CAPN14: variants seen among roughly 807,000 people sequenced by gnomAD.
CAPN14 encodes calpain 14, also known as calpain-14.
A neutral mutation model predicts 101.3 loss-of-function variants in CAPN14; 94 were observed. The ratio of observed to expected loss-of-function variants is 0.93; its 90% CI spans 0.79 to 1.10. The LOEUF (loss-of-function observed/expected upper bound fraction) is 1.10, where lower values mean the gene tolerates loss of function less well. Among genes scored for constraint, CAPN14 ranks in the 50% least tolerant of loss-of-function variants. The pLI, the probability that CAPN14 is intolerant of heterozygous loss-of-function variation, is 0.00. For missense variants in CAPN14, 837 were observed against 828.4 expected, an observed-to-expected ratio of 1.01 and a Z score of -0.13; for synonymous variants, 338 against 317.9, an observed-to-expected ratio of 1.06 and a Z score of -0.67.
At position 31,197,309 on chromosome 2, in the gene CAPN14, T is replaced by C; in HGVS notation, c.815A>G (p.Tyr272Cys). 6.4e-7 allele frequency: 1 copy of C among 1,550,906 alleles called. No homozygotes were observed. Reference sequence around the variant, plus strand: ...CCAGGGGTTCCGTAGCTTGACGAGATATTCAGGTCTATGTTTGCAGGTCAC... The same window carrying C: ...CCAGGGGTTCCGTAGCTTGACGAGACATTCAGGTCTATGTTTGCAGGTCAC... ...RKVTCKHRPE[Y>C]LVKLRNPWGK... The change falls in exon 8 of 22, where the codon TAT (tyrosine) becomes TGT (cysteine). Residue 272 changes from tyrosine (Y) to cysteine (C), a missense_variant. Tyr to Cys is a radical substitution (Grantham distance 194). Transcript: ENST00000403897.
At chr2:31,223,874 C>T (rs1417219996) in intron 2 of CAPN14, among the ~76,000 whole-genome samples, 2 of 152,160 alleles carry the variant, frequency 1.3e-5, no homozygotes, top group African/African-American at 4.8e-5. Flanking sequence ...TGAGCTGTCA[C>T]TGTGCAAATG....
At position 31,174,645 on chromosome 2, in the gene CAPN14, A is replaced by G. The variant is rs533703770; in HGVS notation, c.*36T>C. The G allele has an allele frequency of 2.1e-5, 33 of 1,550,630 alleles. No homozygotes were observed. Among genetic ancestry groups the G allele is most frequent in the African/African-American group, 1.1e-4 (8 of 73,170 alleles). ...CAAAGGCTGCTCTTGGGCCACATGC[A>G]GAGTCTTCAGTGAGGGCAGGTGAGA... On this transcript the variant is annotated 3_prime_UTR_variant, in exon 22 of 22. Transcript: ENST00000403897.
chr2:31,209,223 C>T (rs1682268153), intron 1 of CAPN14, among the ~76,000 whole-genome samples: 2 of 150,594 alleles, frequency 1.3e-5, no homozygotes, highest in Admixed American at 6.6e-5. Flanking sequence ...GCAGTCCTTC[C>T]ACCTCAGCCA....
At chr2:31,191,524 C>T in intron 11 of CAPN14, 117 bp from the exon 12 acceptor site, 4 of 998,918 alleles carry the variant, frequency 4.0e-6, no homozygotes, top group Non-Finnish European at 5.8e-6. Flanking sequence ...ATATACAAGG[C>T]TCTACCCAGA....
In CAPN14 at chr2:31,178,718, C is replaced by T. The variant is rs114968509; in HGVS notation, c.1711-139G>A. 1,243 of 577,888 alleles carry T rather than the reference C, an allele frequency of 2.2e-3. 11 individuals carry two copies. The African/African-American group carries it at 0.022, about 10-fold the overall frequency. 35.8% of individuals were successfully genotyped at this position (577,888 alleles called of 1,614,324 possible). The stretch of plus-strand genomic sequence containing the variant: ...CTGATCATGTCTGATTTCGCTAGTT[C>T]GCCTCACCTCACTGGCCAGTCCAGC... On this transcript the variant is annotated intron_variant, in intron 17 of 21. Transcript: ENST00000403897.
chr2:31,204,723 G>A (rs954993397), intron 2 of CAPN14, among the ~76,000 whole-genome samples: 8 of 152,130 alleles, frequency 5.3e-5, no homozygotes, highest in African/African-American at 1.7e-4. Context: ...CTTGCCCTGT[G>A]CATCTCTTCC....
intron 1 of CAPN14, among the ~76,000 whole-genome samples, chr2:31,209,560 C>T (rs533254194): frequency 2.6e-5 from 4 of 152,284 alleles, no homozygotes; most frequent in African/African-American, 9.6e-5. Flanking sequence ...TCCCTGTATA[C>T]AGGCAGGGTT....
At chr2:31,199,908 T>C (rs139160273) in intron 6 of CAPN14, among the ~76,000 whole-genome samples, 4,903 of 152,324 alleles carry the variant, frequency 0.032, 97 homozygotes, top group South Asian at 0.061. Context: ...TGCATGTAGC[T>C]GGCACTTAAT....
upstream of CAPN14, among the ~76,000 whole-genome samples, chr2:31,218,199 C>G (rs961587480): frequency 7.9e-5 from 12 of 152,130 alleles, 1 homozygote; most frequent in Admixed American, 3.3e-4. Context: ...CTTAGCCCTC[C>G]TGTGGTTGCT....
At chr2:31,175,524 C>T (rs1162669743) in intron 21 of CAPN14, among the ~76,000 whole-genome samples, 1 of 152,212 alleles carries the variant, frequency 6.6e-6, no homozygotes, top group Non-Finnish European at 1.5e-5. Flanking sequence ...TTTGTGTTGT[C>T]CTATTCTCCT....
At chr2:31,191,429 A>AG (rs1274301593) in intron 11 of CAPN14, 22 bp from the exon 12 acceptor site, 2 of 1,509,074 alleles carry the variant, frequency 1.3e-6, no homozygotes, top group Non-Finnish European at 1.8e-6. Flanking sequence ...AAACAAAAAC[A>AG]GAAAAAAAAA....
intron 17 of CAPN14, among the ~76,000 whole-genome samples, chr2:31,179,145 A>ACATGCC (rs1158698300): frequency 1.3e-5 from 2 of 150,202 alleles, no homozygotes; most frequent in Admixed American, 6.6e-5. Context: ...ACATAGGTAT[A>ACATGCC]CATGCCATGT....
rs1307894623 is a variant in CAPN14, at chr2:31,230,310, T to G, written c.-177+3481A>C. Among the ~76,000 whole-genome samples the G allele has an allele frequency of 1.3e-5, 2 of 151,714 alleles. No individual in the cohort carries two copies. Among genetic ancestry groups the G allele is most frequent in the African/African-American group, 4.8e-5 (2 of 41,402 alleles). The stretch of plus-strand genomic sequence containing the variant: ...TTTGCTGCTACAAATAATGTTGCCA[T>G]CAACATTCTTAAGACTTATCTCCCT... On this transcript the variant is annotated intron_variant and NMD_transcript_variant, in intron 1 of 21. Transcript: ENST00000398824. This position sits in a 1 kb window ranked among gnomAD's most constrained non-coding sequence, Gnocchi z 4.3.
intron 8 of CAPN14, 95 bp from the exon 9 acceptor site, chr2:31,194,578 T>G: frequency 2.4e-6 from 2 of 821,556 alleles, no homozygotes; most frequent in African/African-American, 3.4e-5. Context: ...ATTATTTTCA[T>G]ACTACCTCAG....
At chr2:31,182,725 T>A (rs10189417) in intron 16 of CAPN14, among the ~76,000 whole-genome samples, 42,408 of 140,422 alleles carry the variant, frequency 0.3, 7,931 homozygotes, top group African/African-American at 0.51. Flanking sequence ...GCTCATGGGT[T>A]GGAAGAATCA....
Position 31,202,188 on chromosome 2 carries a change from A to G in CAPN14, c.360T>C (p.Val120=), listed in dbSNP as rs1297219769. 2 of 1,551,836 alleles carry G rather than the reference A, an allele frequency of 1.3e-6. No individual in the cohort carries two copies. The highest frequency in any genetic ancestry group is 1.7e-6 in the Non-Finnish European group (2 of 1,147,022). ...CAGTGAAACTCTGATTCAGGGGAAC[A>G]ACCCGGCTCAGGATGTCCTGGTGCA... The part of the protein sequence containing the change: ...LALHQDILSR[V]VPLNQSFTEK... Residue 120 remains valine, a synonymous_variant, in exon 4 of 22, where the codon GTT becomes GTC. Coordinates refer to ENST00000403897, the MANE Select transcript of CAPN14 (RefSeq NM_001145122.2).
intron 9 of CAPN14, 76 bp downstream of exon 9, chr2:31,194,333 G>C: frequency 9.4e-7 from 1 of 1,067,360 alleles, no homozygotes. Flanking sequence ...GCACCCATAA[G>C]GCATCCAATA....
Position 31,177,793 on chromosome 2 carries a change from G to A in CAPN14, c.1808C>T (p.Ser603Leu), listed in dbSNP as rs1285619507. 1.3e-6 allele frequency: 2 copies of A among 1,551,894 alleles called. No individual in the cohort carries two copies. Among genetic ancestry groups the A allele is most frequent in the Admixed American group, 2.0e-5 (1 of 50,986 alleles). ...CAGCTGCTCCCAGTTCAGGTATCCTGACCCACGGTCTTGCTTGTGGAAAAC... is the reference window on the plus strand; with the variant it reads ...CAGCTGCTCCCAGTTCAGGTATCCTAACCCACGGTCTTGCTTGTGGAAAAC... The part of the protein sequence containing the change: ...QKVFHKQDRG[S>L]GYLNWEQLHA... Residue 603 changes from serine to leucine, a missense_variant, in exon 19 of 22, where the codon TCA (serine) becomes TTA (leucine). Coordinates refer to ENST00000403897, the MANE Select transcript of CAPN14 (RefSeq NM_001145122.2).
At chr2:31,210,607 T>C (rs1038035455) in intron 1 of CAPN14, among the ~76,000 whole-genome samples, 4 of 152,238 alleles carry the variant, frequency 2.6e-5, no homozygotes, top group African/African-American at 9.6e-5. Context: ...AAATAACATA[T>C]ATTTATTGCA....
Sources: allele counts gnomAD v4.1 joint callset (sites outside exome capture counted in the v4.1 genomes callset), GRCh38; gene constraint gnomAD v4.1.1; non-coding constraint Gnocchi (gnomAD v3.1); transcripts MANE v1.5; gene names NCBI Gene and HGNC (gene_info 2026-07-23, HGNC 2026-07-21).